DSCAML1: variants seen among roughly 807,000 people sequenced by gnomAD.
DSCAML1 encodes cell adhesion molecule DSCAML1.
A neutral mutation model predicts 200.5 loss-of-function variants in DSCAML1; 38 were observed. The observed-to-expected ratio is 0.19, with a 90% CI of 0.15 to 0.25. The LOEUF (loss-of-function observed/expected upper bound fraction) is 0.25, where lower values mean the gene tolerates loss of function less well. Ranked by LOEUF, DSCAML1 falls within the 10% of genes least tolerant of loss-of-function variation. The pLI is 1.00. For missense variants in DSCAML1, 2,223 were observed against 2,858.8 expected, an observed-to-expected ratio of 0.78 and a Z score of 5.07; for synonymous variants, 1,215 against 1,165.0, an observed-to-expected ratio of 1.04 and a Z score of -0.87.
Position 117,428,343 on chromosome 11 carries a change from G to A in DSCAML1, c.6147C>T (p.Ser2049=), listed in dbSNP as rs760865364. 4 of 1,566,442 alleles carry A rather than the reference G, an allele frequency of 2.6e-6. No individual in the cohort carries two copies. In the South Asian group the frequency reaches 3.4e-5, roughly 13 times the overall value. The change falls in exon 33 of 33, where the codon TCC becomes TCT. Residue 2049 remains serine (S), a synonymous_variant. Coordinates refer to ENST00000651296, the MANE Select transcript of DSCAML1 (RefSeq NM_020693.4). ...CCTGCGGGCCCTACACCAGGGTGTA[G>A]GATTTGGAGTAGGCCCCGGCCCCCT... ...QKQGAGAYSK[S]YTLV
rs1301367285 is a variant in DSCAML1, at chr11:117,503,908, G to A, written c.2296C>T (p.Leu766Phe). 1 of 1,614,096 alleles carries A rather than the reference G, an allele frequency of 6.2e-7. No individual in the cohort carries two copies. The highest frequency in any genetic ancestry group is 2.2e-5 in the East Asian group (1 of 44,888). ...CCTACGCCGTTGCTGGCCTGGCAGA[G>A]GTAGTAGCCGATGTCCTCTTCTAGG... is the stretch of plus-strand genomic sequence containing the variant. The part of the protein sequence containing the change: ...HVLEEDIGYY[L>F]CQASNGVGTD... Residue 766 changes from leucine to phenylalanine, a missense_variant, in exon 11 of 33, where the codon CTC becomes TTC. Around this residue, in one of 7 missense-constraint regions of DSCAML1, gnomAD observed 4 missense variants for 26.4 expected, o/e 0.15. Coordinates refer to ENST00000651296, the MANE Select transcript of DSCAML1 (RefSeq NM_020693.4). This position sits in a 1 kb window ranked among gnomAD's most constrained non-coding sequence, Gnocchi z 5.2.
intron 3 of DSCAML1, among the ~76,000 whole-genome samples, chr11:117,575,773 A>T (rs991137203): frequency 2.6e-5 from 4 of 152,172 alleles, no homozygotes; most frequent in African/African-American, 9.7e-5. Context: ...TGGAGGCTGC[A>T]GTGAGCCATG....
At position 117,521,238 on chromosome 11, in the gene DSCAML1, C is replaced by T. The variant is rs777606240; in HGVS notation, c.1105G>A (p.Glu369Lys). 13 of 1,614,066 alleles carry T rather than the reference C, an allele frequency of 8.1e-6. No homozygotes were observed. Among genetic ancestry groups the T allele is most frequent in the African/African-American group, 5.3e-5 (4 of 74,952 alleles). ...EAISIRGLSN[E>K]TLLITSAQKS... ...TGGGCCGAGGTGATGAGCAGCGTCTCGTTGCTGAGCCCGCGGATGGAGATG... is the reference window on the plus strand; with the variant it reads ...TGGGCCGAGGTGATGAGCAGCGTCTTGTTGCTGAGCCCGCGGATGGAGATG... Residue 369 changes from glutamate to lysine, a missense_variant, in exon 6 of 33, where the codon GAG becomes AAG. By Grantham distance (56) the Glu-to-Lys change is moderately conservative. This residue lies in a region of DSCAML1 where 579 missense variants were observed against 721.5 expected (regional missense o/e 0.80). Transcript: ENST00000651296.
chr11:117,736,358 T>G (rs1360235484), intron 3 of DSCAML1, among the ~76,000 whole-genome samples: 1 of 152,208 alleles, frequency 6.6e-6, no homozygotes, highest in Non-Finnish European at 1.5e-5. Context: ...TGCAACCTGA[T>G]GGCAGCTTCC....
chr11:117,725,754 G>A (rs754830607), intron 3 of DSCAML1, among the ~76,000 whole-genome samples: 5 of 152,148 alleles, frequency 3.3e-5, no homozygotes, highest in African/African-American at 4.8e-5. Flanking sequence ...GGAATTGTCC[G>A]GAGGCTTTGG....
intron 3 of DSCAML1, among the ~76,000 whole-genome samples, chr11:117,562,195 A>G (rs949034266): frequency 6.6e-6 from 1 of 152,096 alleles, no homozygotes; most frequent in African/African-American, 2.4e-5. Context: ...GCCCTCTAAG[A>G]TTCTGTCCTG....
At position 117,534,547 on chromosome 11, in the gene DSCAML1, A is replaced by G. The variant is rs1162118598; in HGVS notation, c.512-2025T>C. 4.6e-5 allele frequency among the ~76,000 whole-genome samples: 7 copies of G among 151,998 alleles called. No homozygotes were observed. The East Asian group carries it at 1.3e-3, about 29-fold the overall frequency. ...GTGTTCCTGACATACTCCCTCATAC[A>G]CTGGAAGGCAGCTGTGATGCCCTTT... is the stretch of plus-strand genomic sequence containing the variant. On this transcript the variant is annotated intron_variant, in intron 3 of 32. Coordinates refer to ENST00000651296, the MANE Select transcript of DSCAML1 (RefSeq NM_020693.4).
rs555549043 is a variant in DSCAML1 at position 117,805,860 on chromosome 11, C to A, written c.-250+11530G>T. 3.3e-5 allele frequency among the ~76,000 whole-genome samples: 5 copies of A among 152,306 alleles called. No individual in the cohort carries two copies. The East Asian group carries it at 9.6e-4, about 29-fold the overall frequency. ...TTAAAGAGCAACACAGGGAAGCCTA[C>A]ATGCTCAGAGTCAGCAGGTCAGAGT... On this transcript the variant is annotated intron_variant, in intron 1 of 2. Transcript: ENST00000525836.
At chr11:117,565,662 C>A (rs1270748455) in intron 3 of DSCAML1, among the ~76,000 whole-genome samples, 1 of 152,168 alleles carries the variant, frequency 6.6e-6, no homozygotes, top group Admixed American at 6.5e-5. Context: ...CTTCACCATG[C>A]CCCCATCCCC....
Position 117,489,699 on chromosome 11 carries a change from T to TG in DSCAML1, c.2360-7538dup, listed in dbSNP as rs1397583522. On this transcript the variant is annotated intron_variant, in intron 11 of 32. Transcript: ENST00000651296. This position sits in a 1 kb window ranked among gnomAD's most constrained non-coding sequence, Gnocchi z 4.8. The stretch of plus-strand genomic sequence containing the variant: ...GTGCCTGGCACTGTGATGACCAAAT[T>TG]GGGGCATACTCTGGTGGAGGCCAAG... Among the ~76,000 whole-genome samples the TG allele has an allele frequency of 1.3e-5, 2 of 152,126 alleles. No homozygotes were observed. Among genetic ancestry groups the TG allele is most frequent in the Non-Finnish European group, 2.9e-5 (2 of 67,996 alleles).
intron 1 of DSCAML1, among the ~76,000 whole-genome samples, chr11:117,786,365 G>C (rs978799797): frequency 6.6e-6 from 1 of 152,224 alleles, no homozygotes; most frequent in African/African-American, 2.4e-5. Context: ...GCTCCAAATT[G>C]CTAGGAGATT....
At chr11:117,486,417 A>C (rs1375798853) in intron 11 of DSCAML1, among the ~76,000 whole-genome samples, 1 of 150,478 alleles carries the variant, frequency 6.6e-6, no homozygotes, top group Non-Finnish European at 1.5e-5. Flanking sequence ...AAAGTGGCGG[A>C]TGTGAAAATG....
chr11:117,510,421 A>T (rs1045955895), intron 8 of DSCAML1, among the ~76,000 whole-genome samples: 2 of 152,102 alleles, frequency 1.3e-5, no homozygotes, highest in Non-Finnish European at 2.9e-5. Flanking sequence ...GGTTGAACCA[A>T]CTAATCACTA....
rs2137098532 is a variant in DSCAML1 at position 117,444,023 on chromosome 11, T to C, written c.3725A>G (p.Glu1242Gly). ...GTAGAAGAGCTGCTCTGGACTCGTC[T>C]CGTACTCGCTGGGAGCCTGCGGGGC... is the stretch of plus-strand genomic sequence containing the variant. Reference protein sequence around the residue: ...GSGQPAPSEYETSPEQLFYRI... With the variant: ...GSGQPAPSEYGTSPEQLFYRI... The change falls in exon 21 of 33, where the codon GAG (glutamate) becomes GGG (glycine). Residue 1242 changes from glutamate (E) to glycine (G), a missense_variant. Around this residue, in one of 7 missense-constraint regions of DSCAML1, gnomAD observed 614 missense variants for 739.1 expected, o/e 0.83. Transcript: ENST00000651296. 6.2e-7 allele frequency: 1 copy of C among 1,612,672 alleles called. No individual in the cohort carries two copies. Among genetic ancestry groups the C allele is most frequent in the African/African-American group, 1.3e-5 (1 of 75,014 alleles).
chr11:117,477,032 C>T (rs774406192), intron 14 of DSCAML1, among the ~76,000 whole-genome samples: 23 of 152,070 alleles, frequency 1.5e-4, no homozygotes, highest in Non-Finnish European at 3.1e-4. Flanking sequence ...CTCATGGCCA[C>T]CCTGAGAATG....
At chr11:117,710,137 A>G (rs938502523) in intron 3 of DSCAML1, among the ~76,000 whole-genome samples, 1 of 152,152 alleles carries the variant, frequency 6.6e-6, no homozygotes, top group Non-Finnish European at 1.5e-5. Context: ...TATGGGGTGG[A>G]TATTTCATCT....
At chr11:117,565,007 C>A (rs1288663873) in intron 3 of DSCAML1, among the ~76,000 whole-genome samples, 1 of 152,142 alleles carries the variant, frequency 6.6e-6, no homozygotes, top group Non-Finnish European at 1.5e-5. Flanking sequence ...CTCAGGTGAT[C>A]TGCCCACCTC....
Position 117,696,098 on chromosome 11 carries a change from G to T in DSCAML1, c.511+80693C>A, listed in dbSNP as rs146371370. ...CACGGTGAAAGCTGAAGGAAAAGGG[G>T]AAGTAGGTGAGGAAGGAAAGGTTAG... On this transcript the variant is annotated intron_variant, in intron 3 of 32. Transcript: ENST00000651296. Among the ~76,000 whole-genome samples, 6 of 152,352 alleles carry T rather than the reference G, an allele frequency of 3.9e-5. No homozygotes were observed. The East Asian group carries it at 1.2e-3, about 29-fold the overall frequency.
At chr11:117,604,207 A>T (rs2137515250) in intron 3 of DSCAML1, among the ~76,000 whole-genome samples, 1 of 152,298 alleles carries the variant, frequency 6.6e-6, no homozygotes, top group South Asian at 2.1e-4. Context: ...GGTGTTCTGT[A>T]TATGCTCACT....
Sources: gnomAD v4.1 joint callset for allele counts (sites outside exome capture counted in the v4.1 genomes callset) on GRCh38, gnomAD v4.1.1 for gene constraint, gnomAD v4.1.1 regional missense constraint, Gnocchi (gnomAD v3.1) non-coding constraint, MANE v1.5 for transcripts, NCBI Gene and HGNC (gene_info 2026-07-23, HGNC 2026-07-21) for gene names.